Variants in NRG3 observed in about 807,000 individuals in gnomAD.
The protein encoded by NRG3 is pro-neuregulin-3, membrane-bound isoform.
NRG3 carries 31 observed loss-of-function variants against 66.9 expected under a neutral mutation model. The ratio of observed to expected loss-of-function variants is 0.46; its 90% CI spans 0.35 to 0.63. The LOEUF (loss-of-function observed/expected upper bound fraction) is 0.63, where lower values mean the gene tolerates loss of function less well. Among genes scored for constraint, NRG3 ranks in the 20% least tolerant of loss-of-function variants. The pLI is 0.00. For missense variants in NRG3, 910 were observed against 878.9 expected (o/e 1.04, Z -0.45); for synonymous variants, 393 against 359.4 (o/e 1.09, Z -1.06).
chr10:82,379,723 G>A (rs1589915484), intron 2 of NRG3, among the ~76,000 whole-genome samples: 1 of 151,910 alleles, frequency 6.6e-6, no homozygotes, highest in Non-Finnish European at 1.5e-5. Flanking sequence ...TTGTATATAT[G>A]TATATTACAT....
intron 3 of NRG3, among the ~76,000 whole-genome samples, chr10:82,849,440 T>C (rs1383596873): frequency 6.6e-6 from 1 of 152,152 alleles, no homozygotes; most frequent in Non-Finnish European, 1.5e-5. Context: ...TAACACACAG[T>C]GAAGCCCCTG....
Position 81,875,687 on chromosome 10 carries a change from C to G in NRG3, c.347C>G (p.Ser116Cys). The change falls in exon 1 of 9, where the codon TCC becomes TGC. Residue 116 changes from serine (S) to cysteine (C), a missense_variant. By Grantham distance (112) the Ser-to-Cys change is moderately radical (BLOSUM62 -1). Coordinates refer to ENST00000372141, the MANE Select transcript of NRG3 (RefSeq NM_001010848.4). The surrounding 1 kb of genome is among the most constrained non-coding windows in gnomAD (Gnocchi z 5.3). Reference protein sequence around the residue: ...KGMGQDPFFLSKPSSFPKAME... With the variant: ...KGMGQDPFFLCKPSSFPKAME... ...ATGGGCCAGGACCCCTTCTTCCTCT[C>G]CAAGCCCAGCTCTTTCCCCAAGGCC... 1.2e-6 allele frequency: 2 copies of G among 1,613,946 alleles called. No individual in the cohort carries two copies. The highest frequency in any genetic ancestry group is 1.7e-6 in the Non-Finnish European group (2 of 1,179,992).
chr10:82,242,753 G>A (rs1277081411), intron 1 of NRG3, among the ~76,000 whole-genome samples: 1 of 152,100 alleles, frequency 6.6e-6, no homozygotes, highest in Non-Finnish European at 1.5e-5. Context: ...AAGTACATGT[G>A]TTTCCCAAAT....
At chr10:82,772,404 C>T (rs373706394) in intron 3 of NRG3, among the ~76,000 whole-genome samples, 3 of 152,144 alleles carry the variant, frequency 2.0e-5, no homozygotes, top group African/African-American at 7.2e-5. Context: ...TGTCATGTTG[C>T]ACATTAGATC....
At chr10:82,740,211 T>G (rs1461085355) in intron 3 of NRG3, among the ~76,000 whole-genome samples, 6 of 151,094 alleles carry the variant, frequency 4.0e-5, no homozygotes, top group Non-Finnish European at 8.8e-5. Flanking sequence ...CTCTCTTCCT[T>G]TCTTCTTTCT....
intron 1 of NRG3, among the ~76,000 whole-genome samples, chr10:82,324,024 C>T (rs1324600051): frequency 1.3e-5 from 2 of 151,976 alleles, no homozygotes; most frequent in Non-Finnish European, 2.9e-5. Context: ...GTGACCACAC[C>T]CAGCTAATTT....
chr10:81,882,661 G>C (rs1842285534), intron 1 of NRG3, among the ~76,000 whole-genome samples: 1 of 152,182 alleles, frequency 6.6e-6, no homozygotes, highest in Non-Finnish European at 1.5e-5. Context: ...ATGGGAAGTA[G>C]ATAGACTGGT....
intron 3 of NRG3, among the ~76,000 whole-genome samples, chr10:82,786,050 C>T (rs2060347468): frequency 6.6e-6 from 1 of 152,136 alleles, no homozygotes; most frequent in Admixed American, 6.6e-5. Flanking sequence ...AGGGATGGTG[C>T]CACCCCGGAG....
chr10:82,974,289 T>C (rs759701491), intron 7 of NRG3, among the ~76,000 whole-genome samples: 9 of 152,150 alleles, frequency 5.9e-5, no homozygotes, highest in Admixed American at 3.9e-4. Flanking sequence ...AGACTTCAGG[T>C]TTTCCAATAT....
At chr10:82,206,395 A>G (rs2133565963) in intron 1 of NRG3, among the ~76,000 whole-genome samples, 1 of 152,256 alleles carries the variant, frequency 6.6e-6, no homozygotes, top group East Asian at 1.9e-4. Flanking sequence ...AGGAATTACT[A>G]ATAAGCTGCA....
intron 1 of NRG3, among the ~76,000 whole-genome samples, chr10:82,218,438 G>A (rs912551657): frequency 6.6e-6 from 1 of 152,144 alleles, no homozygotes. Context: ...GGGACTGTTG[G>A]GATTCAGTTC....
At chr10:81,978,544 A>G (rs1030373967) in intron 1 of NRG3, among the ~76,000 whole-genome samples, 1 of 152,156 alleles carries the variant, frequency 6.6e-6, no homozygotes, top group African/African-American at 2.4e-5. Flanking sequence ...AGCGTTGTTT[A>G]TAGCCTCCTC....
At chr10:82,144,046 AAAG>A (rs1378480289) in intron 1 of NRG3, among the ~76,000 whole-genome samples, 4 of 150,952 alleles carry the variant, frequency 2.6e-5, no homozygotes, top group African/African-American at 4.9e-5. Context: ...AAAAAAAAGA[AAAG>A]AAAAAAAAAA....
chr10:82,106,092 C>T (rs12569561), intron 1 of NRG3, among the ~76,000 whole-genome samples: 67,533 of 152,048 alleles, frequency 0.44, 15,884 homozygotes, highest in Non-Finnish European at 0.54. Context: ...AGTTTTAGAC[C>T]TGCTGAGTCC....
chr10:82,328,942 C>CTT (rs11384870), intron 1 of NRG3, among the ~76,000 whole-genome samples: 3 of 152,108 alleles, frequency 2.0e-5, no homozygotes, highest in African/African-American at 7.2e-5. Flanking sequence ...ATTTCTAGTG[C>CTT]TTTTTTTATT....
intron 1 of NRG3, among the ~76,000 whole-genome samples, chr10:82,102,779 T>A (rs1287464694): frequency 6.6e-6 from 1 of 152,002 alleles, no homozygotes; most frequent in Non-Finnish European, 1.5e-5. Context: ...ACTGTATAGA[T>A]TTTTAATTTT....
At chr10:82,756,520 GATTT>G (rs1309058273) in intron 3 of NRG3, among the ~76,000 whole-genome samples, 7 of 152,102 alleles carry the variant, frequency 4.6e-5, no homozygotes, top group African/African-American at 1.7e-4. Flanking sequence ...GCAATCTACT[GATTT>G]ATTTGATTGT....
At chr10:82,139,292 T>G (rs1236714778) in intron 1 of NRG3, among the ~76,000 whole-genome samples, 1 of 152,162 alleles carries the variant, frequency 6.6e-6, no homozygotes, top group East Asian at 1.9e-4. Context: ...GGTTATTAAT[T>G]TCTATTTAAG....
intron 1 of NRG3, among the ~76,000 whole-genome samples, chr10:82,020,105 TA>T (rs1288786984): frequency 8.5e-5 from 13 of 152,216 alleles, no homozygotes; most frequent in South Asian, 2.1e-4. Flanking sequence ...GCTTTCAAAG[TA>T]AAAAATTTGA....
Sources: gnomAD v4.1 joint callset for allele counts (sites outside exome capture counted in the v4.1 genomes callset) on GRCh38, gnomAD v4.1.1 for gene constraint, Gnocchi (gnomAD v3.1) non-coding constraint, MANE v1.5 for transcripts, NCBI Gene and HGNC (gene_info 2026-07-23, HGNC 2026-07-21) for gene names.